WDR70: variants seen among roughly 807,000 people sequenced by gnomAD.
The protein encoded by WDR70 is WD repeat-containing protein 70.
A neutral mutation model predicts 88.6 loss-of-function variants in WDR70; 53 were observed. The ratio of observed to expected loss-of-function variants is 0.60; its 90% confidence interval spans 0.48 to 0.75. The LOEUF is 0.75. WDR70 is among the 30% of genes least tolerant of loss of function. WDR70 has a pLI of 0.00. For synonymous variants in WDR70, 280 were observed against 270.0 expected, an observed-to-expected ratio of 1.04 and a Z score of -0.36; for missense variants, 610 against 823.2, an observed-to-expected ratio of 0.74 and a Z score of 3.17.
intron 10 of WDR70, among the ~76,000 whole-genome samples, chr5:37,654,503 A>G (rs1187147945): frequency 1.3e-5 from 2 of 151,686 alleles, no homozygotes; most frequent in South Asian, 2.1e-4. Flanking sequence ...ATCCTTGTTA[A>G]TTTTCTGTCT....
intron 5 of WDR70, among the ~76,000 whole-genome samples, chr5:37,420,109 T>G (rs1749899267): frequency 6.6e-6 from 1 of 152,088 alleles, no homozygotes; most frequent in African/African-American, 2.4e-5. Context: ...TCATCTCTAA[T>G]CCCAGTGCTT....
chr5:37,427,875 A>G (rs1750183288), intron 5 of WDR70, among the ~76,000 whole-genome samples: 1 of 151,898 alleles, frequency 6.6e-6, no homozygotes, highest in Non-Finnish European at 1.5e-5. Flanking sequence ...GTCTCATAAA[A>G]GAAAAAGATA....
At chr5:37,553,344 TTCTTA>T (rs1448478598) in intron 9 of WDR70, among the ~76,000 whole-genome samples, 4 of 152,204 alleles carry the variant, frequency 2.6e-5, no homozygotes, top group Non-Finnish European at 5.9e-5. Context: ...TTCTCTGGCC[TTCTTA>T]TCTTAAGCCC....
intron 9 of WDR70, among the ~76,000 whole-genome samples, chr5:37,542,757 C>G (rs998090036): frequency 1.3e-5 from 2 of 152,072 alleles, no homozygotes; most frequent in African/African-American, 4.8e-5. Context: ...AAGAAAAGAC[C>G]AGAACACAGC....
intron 13 of WDR70, among the ~76,000 whole-genome samples, chr5:37,720,813 GCCTCA>G (rs1747787795): frequency 6.6e-6 from 1 of 152,184 alleles, no homozygotes; most frequent in Admixed American, 6.5e-5. Flanking sequence ...CATGATGCCA[GCCTCA>G]CGTGGTAATG....
chr5:37,566,291 T>C (rs575409271), intron 9 of WDR70, among the ~76,000 whole-genome samples: 4 of 107,610 alleles, frequency 3.7e-5, no homozygotes, highest in African/African-American at 7.9e-5. Context: ...TAAAGTTTTA[T>C]TTTCCTCCTG....
At chr5:37,565,665 A>C (rs752451397) in intron 9 of WDR70, among the ~76,000 whole-genome samples, 1 of 152,064 alleles carries the variant, frequency 6.6e-6, no homozygotes, top group Admixed American at 6.5e-5. Flanking sequence ...TCTTTATATT[A>C]TGTAGTCCAC....
At chr5:37,710,211 A>G (rs1460283728) in intron 13 of WDR70, among the ~76,000 whole-genome samples, 1 of 152,126 alleles carries the variant, frequency 6.6e-6, no homozygotes, top group Non-Finnish European at 1.5e-5. Context: ...AAAAATTATG[A>G]TACTGTAAAA....
intron 13 of WDR70, among the ~76,000 whole-genome samples, chr5:37,706,922 T>C (rs1330998827): frequency 6.6e-6 from 1 of 152,190 alleles, no homozygotes; most frequent in Non-Finnish European, 1.5e-5. Flanking sequence ...TTTTATGTAT[T>C]ATGTAAAGGG....
intron 9 of WDR70, among the ~76,000 whole-genome samples, chr5:37,553,923 T>G (rs992547348): frequency 3.9e-5 from 6 of 152,192 alleles, no homozygotes; most frequent in Non-Finnish European, 8.8e-5. Flanking sequence ...AATAGTGTCA[T>G]CACATGGTAG....
chr5:37,485,429 C>T (rs577534009), intron 8 of WDR70, among the ~76,000 whole-genome samples: 4 of 152,220 alleles, frequency 2.6e-5, no homozygotes, highest in East Asian at 1.9e-4. Flanking sequence ...AGTCAGGTAT[C>T]CTTTTTGTGG....
chr5:37,415,655 CG>C (rs1371159955), intron 5 of WDR70, among the ~76,000 whole-genome samples: 1 of 149,364 alleles, frequency 6.7e-6, no homozygotes, highest in Non-Finnish European at 1.5e-5. Context: ...GCTGGCCGGG[CG>C]GGGGGCTGAC....
intron 8 of WDR70, among the ~76,000 whole-genome samples, chr5:37,498,391 A>G (rs543293350): frequency 1.3e-5 from 2 of 151,884 alleles, no homozygotes; most frequent in African/African-American, 4.8e-5. Flanking sequence ...TTTCTATTCA[A>G]CTTCTAAATA....
intron 3 of WDR70, among the ~76,000 whole-genome samples, chr5:37,387,472 T>C (rs563393083): frequency 1.8e-3 from 273 of 152,338 alleles, no homozygotes; most frequent in Non-Finnish European, 1.6e-3. Context: ...GGACAAATTA[T>C]TGAACTTTCT....
chr5:37,732,859 A>G (rs1748190186), intron 17 of WDR70, among the ~76,000 whole-genome samples: 1 of 152,120 alleles, frequency 6.6e-6, no homozygotes, highest in East Asian at 1.9e-4. Flanking sequence ...AGATTTAGAA[A>G]TGGGGTGAGG....
intron 17 of WDR70, among the ~76,000 whole-genome samples, chr5:37,731,077 T>G (rs1748130872): frequency 6.6e-6 from 1 of 152,068 alleles, no homozygotes; most frequent in South Asian, 2.1e-4. Flanking sequence ...CCCTGGAGAC[T>G]GTGGTCAGAG....
chr5:37,708,157 A>T (rs1341716548), intron 13 of WDR70, among the ~76,000 whole-genome samples: 2 of 150,594 alleles, frequency 1.3e-5, no homozygotes, highest in Non-Finnish European at 3.0e-5. Flanking sequence ...TCCTTCTATC[A>T]TGGCTTGTTT....
At chr5:37,451,105 T>G (rs978505393) in intron 7 of WDR70, among the ~76,000 whole-genome samples, 1 of 30,428 alleles carries the variant, frequency 3.3e-5, no homozygotes, top group Non-Finnish European at 1.4e-3. Flanking sequence ...TCCATGTTGG[T>G]CAGGCTGGTC....
rs1427677912 is a variant in WDR70, at chr5:37,442,401, C to T, written c.553-838C>T. On this transcript the variant is annotated intron_variant, in intron 6 of 17. Coordinates refer to ENST00000265107, the MANE Select transcript of WDR70 (RefSeq NM_018034.4). ...TCACCCAGGGTGGAATGCAGTGGCA[C>T]GATCTTGGCTCATTGCAACCTCCGC... 4.0e-5 allele frequency among the ~76,000 whole-genome samples: 6 copies of T among 150,728 alleles called. No homozygotes were observed. The Admixed American group carries it at 4.0e-4, about 10-fold the overall frequency.
Sources: gnomAD v4.1 joint callset for allele counts (sites outside exome capture counted in the v4.1 genomes callset) on GRCh38, gnomAD v4.1.1 for gene constraint, MANE v1.5 for transcripts, NCBI Gene and HGNC (gene_info 2026-07-23, HGNC 2026-07-21) for gene names.